The following CNTNAP4 variants were observed in gnomAD, a reference collection of about 807,000 sequenced individuals.
CNTNAP4 encodes the protein contactin associated protein family member 4.
A neutral mutation model predicts 148.4 loss-of-function variants in CNTNAP4; 98 were observed. The ratio of observed to expected loss-of-function variants is 0.66; its 90% CI spans 0.56 to 0.78. The LOEUF is 0.78. CNTNAP4 is among the 30% of genes least tolerant of loss of function. The pLI is 0.00. For synonymous variants in CNTNAP4, 730 were observed against 565.1 expected, an observed-to-expected ratio of 1.29 and a Z score of -4.14; for missense variants, 1,935 against 1,565.6, an observed-to-expected ratio of 1.24 and a Z score of -3.98.
At chr16:76,373,446 C>G (rs1597355356) in intron 3 of CNTNAP4, among the ~76,000 whole-genome samples, 1 of 152,128 alleles carries the variant, frequency 6.6e-6, no homozygotes, top group African/African-American at 2.4e-5. Context: ...TTGGCCTTGT[C>G]TAAGATTTTT....
At chr16:76,293,102 G>A (rs1056235164) in intron 1 of CNTNAP4, among the ~76,000 whole-genome samples, 4 of 151,916 alleles carry the variant, frequency 2.6e-5, no homozygotes, top group Admixed American at 6.6e-5. Flanking sequence ...TATGCCTGAA[G>A]CTCTTAATAT....
intron 3 of CNTNAP4, among the ~76,000 whole-genome samples, chr16:76,400,014 C>G (rs975602010): frequency 2.0e-5 from 3 of 152,236 alleles, no homozygotes; most frequent in African/African-American, 7.2e-5. Flanking sequence ...CTATTTTAAT[C>G]AAATGGATTT....
At chr16:76,336,857 C>G (rs1240377267) in intron 2 of CNTNAP4, among the ~76,000 whole-genome samples, 1 of 152,090 alleles carries the variant, frequency 6.6e-6, no homozygotes, top group Non-Finnish European at 1.5e-5. Flanking sequence ...ATCAAAATAT[C>G]CAGAAATCTC....
intron 1 of CNTNAP4, chr16:76,287,869 C>T (rs1377141277): frequency 6.6e-6 from 1 of 152,152 alleles, no homozygotes; most frequent in African/African-American, 2.4e-5. Context: ...TAAGAAAAAG[C>T]AAGTTTTGCC....
chr16:76,374,944 T>C (rs553206181), intron 3 of CNTNAP4, among the ~76,000 whole-genome samples: 1 of 152,014 alleles, frequency 6.6e-6, no homozygotes, highest in South Asian at 2.1e-4. Flanking sequence ...ATTTTTGTCT[T>C]TTTTAGTAGA....
At chr16:76,500,785 A>G (rs143373053) in intron 15 of CNTNAP4, among the ~76,000 whole-genome samples, 161 of 151,456 alleles carry the variant, frequency 1.1e-3, no homozygotes, top group African/African-American at 3.7e-3. Flanking sequence ...TTATATATAT[A>G]TATTTTCTTT....
intron 21 of CNTNAP4, among the ~76,000 whole-genome samples, chr16:76,546,628 T>C (rs532682066): frequency 6.6e-6 from 1 of 152,306 alleles, no homozygotes; most frequent in South Asian, 2.1e-4. Context: ...TGTATTACAA[T>C]GCATAATAGA....
At chr16:76,533,870 C>T (rs1407750849) in intron 17 of CNTNAP4, among the ~76,000 whole-genome samples, 1 of 152,132 alleles carries the variant, frequency 6.6e-6, no homozygotes, top group African/African-American at 2.4e-5. Flanking sequence ...AAGACCTTGG[C>T]ATCCTTCACT....
Position 76,479,446 on chromosome 16 carries a change from A to C in CNTNAP4, c.1790A>C (p.Tyr597Ser). The C allele has an allele frequency of 6.2e-7, 1 of 1,610,396 alleles. No homozygotes were observed. Among genetic ancestry groups the C allele is most frequent in the South Asian group, 1.1e-5 (1 of 90,064 alleles). The change falls in exon 12 of 24, where the codon TAT becomes TCT. Residue 597 changes from tyrosine to serine, a missense_variant. Transcript: ENST00000611870. ...ATCTATGAGCAGTCATGTGAAGCCTATAAGCACAGAGGAAATACTTCAGGG... is the reference window on the plus strand; with the variant it reads ...ATCTATGAGCAGTCATGTGAAGCCTCTAAGCACAGAGGAAATACTTCAGGG... ...NSIYEQSCEAYKHRGNTSGFY... is the reference protein window; with the variant it reads ...NSIYEQSCEASKHRGNTSGFY...
intron 1 of CNTNAP4, chr16:76,316,079 A>C (rs1449964037): frequency 7.8e-6 from 3 of 386,246 alleles, no homozygotes; most frequent in Non-Finnish European, 1.4e-5. Flanking sequence ...ATTTCTTTAC[A>C]GTGTCTTTTG....
intron 3 of CNTNAP4, among the ~76,000 whole-genome samples, chr16:76,425,679 A>G (rs2079365428): frequency 6.6e-6 from 1 of 152,172 alleles, no homozygotes; most frequent in South Asian, 2.1e-4. Context: ...TAAAAGGACA[A>G]GAGAGGCAGG....
intron 1 of CNTNAP4, among the ~76,000 whole-genome samples, chr16:76,312,755 C>A (rs550510021): frequency 3.0e-4 from 46 of 152,232 alleles, no homozygotes; most frequent in Middle Eastern, 3.4e-3. Flanking sequence ...ACGGTTCTAT[C>A]ACAATGAGAA....
At chr16:76,305,124 C>T (rs1436433812) in intron 1 of CNTNAP4, among the ~76,000 whole-genome samples, 1 of 152,108 alleles carries the variant, frequency 6.6e-6, no homozygotes. Context: ...ATGTAAATTG[C>T]ACGTTTAGTT....
chr16:76,518,849 C>G (rs2083350972), intron 15 of CNTNAP4, among the ~76,000 whole-genome samples: 1 of 152,112 alleles, frequency 6.6e-6, no homozygotes, highest in South Asian at 2.1e-4. Flanking sequence ...CCTCTTTTCC[C>G]CCTCCGCCAT....
At chr16:76,478,983 A>C (rs1025512708) in intron 11 of CNTNAP4, among the ~76,000 whole-genome samples, 5 of 152,144 alleles carry the variant, frequency 3.3e-5, no homozygotes, top group Admixed American at 6.5e-5. Context: ...GGCTAACAGC[A>C]GATTTTTTAA....
At position 76,278,525 on chromosome 16, in the gene CNTNAP4, G is replaced by A. The variant is rs1312294694; in HGVS notation, c.85+778G>A. On this transcript the variant is annotated intron_variant, in intron 1 of 23. Coordinates refer to ENST00000611870, the MANE Select transcript of CNTNAP4 (RefSeq NM_033401.5). ...TTTAGATATCATCCATAATAATTTGGCAGACTCCCTTCATCCACTCTTTAT... is the reference window on the plus strand; with the variant it reads ...TTTAGATATCATCCATAATAATTTGACAGACTCCCTTCATCCACTCTTTAT... 5.9e-5 allele frequency among the ~76,000 whole-genome samples: 9 copies of A among 152,212 alleles called. No homozygotes were observed. The East Asian group carries it at 1.5e-3, about 26-fold the overall frequency.
intron 3 of CNTNAP4, among the ~76,000 whole-genome samples, chr16:76,364,124 C>G (rs1040734626): frequency 6.7e-6 from 1 of 148,656 alleles, no homozygotes; most frequent in Non-Finnish European, 1.5e-5. Flanking sequence ...GTAATCCCAG[C>G]TACTCTGGAG....
intron 3 of CNTNAP4, among the ~76,000 whole-genome samples, chr16:76,362,292 T>C (rs1014079416): frequency 6.6e-6 from 1 of 152,172 alleles, no homozygotes; most frequent in Non-Finnish European, 1.5e-5. Context: ...GTTCATGGAT[T>C]AGAAGACTTA....
At chr16:76,455,593 A>G (rs903980508) in intron 8 of CNTNAP4, among the ~76,000 whole-genome samples, 6 of 152,194 alleles carry the variant, frequency 3.9e-5, no homozygotes, top group African/African-American at 1.4e-4. Context: ...AACCACCTCC[A>G]TATTTTCATC....
Sources: allele counts gnomAD v4.1 joint callset (sites outside exome capture counted in the v4.1 genomes callset), GRCh38; gene constraint gnomAD v4.1.1; transcripts MANE v1.5; gene names NCBI Gene and HGNC (gene_info 2026-07-23, HGNC 2026-07-21).